Variants in SLC71A1 observed in about 807,000 individuals in gnomAD.
The protein encoded by SLC71A1 is hippocampus abundant gene transcript 1.
the SLC71A1 span, among the ~76,000 whole-genome samples, chr1:100,041,921 CAA>C: frequency 0.11 from 13,641 of 118,810 alleles, 1,079 homozygotes; most frequent in African/African-American, 0.24. Context: ...GAAACTGTCT[CAA>C]AAAAAAAAAA....
At chr1:100,080,928 CTT>C in the SLC71A1 span, among the ~76,000 whole-genome samples, 68 of 152,316 alleles carry the variant, frequency 4.5e-4, 2 homozygotes, top group East Asian at 5.8e-3. Flanking sequence ...CTACTAGTCT[CTT>C]TTGAAACTTT....
At chr1:100,078,448 T>C in the SLC71A1 span, 11 of 1,603,968 alleles carry the variant, frequency 6.9e-6, no homozygotes, top group Admixed American at 1.7e-5. Context: ...GCTCTCCTTA[T>C]AGGATGATGT....
At chr1:100,059,909 T>C in the SLC71A1 span, 1 of 1,613,100 alleles carries the variant, frequency 6.2e-7, no homozygotes, top group Non-Finnish European at 8.5e-7. Context: ...GCCCCGCTTA[T>C]TGGTGCTCTT....
the SLC71A1 span, among the ~76,000 whole-genome samples, chr1:100,057,389 C>G: frequency 7.4e-6 from 1 of 134,868 alleles, no homozygotes; most frequent in Non-Finnish European, 1.5e-5. Context: ...GGCTATTACT[C>G]TGTTGCTGAG....
chr1:100,055,126 A>T, the SLC71A1 span, among the ~76,000 whole-genome samples: 1 of 152,266 alleles, frequency 6.6e-6, no homozygotes, highest in Non-Finnish European at 1.5e-5. Context: ...AAAACTTCTT[A>T]TAGACATTCA....
the SLC71A1 span, chr1:100,059,971 T>C: frequency 6.2e-7 from 1 of 1,613,142 alleles, no homozygotes; most frequent in Non-Finnish European, 8.5e-7. Context: ...GTTTTTCACA[T>C]GTGCCCCAAT....
At chr1:100,057,784 T>C in the SLC71A1 span, among the ~76,000 whole-genome samples, 2 of 152,222 alleles carry the variant, frequency 1.3e-5, no homozygotes, top group African/African-American at 4.8e-5. Flanking sequence ...TGTCAGAAAG[T>C]ATATTTAGCA....
At chr1:100,081,863 A>G in the SLC71A1 span, 1 of 666,244 alleles carries the variant, frequency 1.5e-6, no homozygotes, top group Non-Finnish European at 2.6e-6. Flanking sequence ...CTAAAAAGGG[A>G]ATGCCTTTTA....
the SLC71A1 span, among the ~76,000 whole-genome samples, chr1:100,055,287 C>T: frequency 6.6e-6 from 1 of 151,134 alleles, no homozygotes; most frequent in African/African-American, 2.4e-5. Flanking sequence ...GAGTTTAAAT[C>T]TTATCCTTTA....
the SLC71A1 span, chr1:100,059,830 C>A: frequency 6.8e-7 from 1 of 1,474,410 alleles, no homozygotes. Flanking sequence ...ATTTTTGGTT[C>A]ATGCTCATAG....
chr1:100,081,719 A>T, the SLC71A1 span, among the ~76,000 whole-genome samples: 1 of 152,158 alleles, frequency 6.6e-6, no homozygotes, highest in Non-Finnish European at 1.5e-5. Context: ...TTCCCCTTGG[A>T]CTAACAAATT....
the SLC71A1 span, among the ~76,000 whole-genome samples, chr1:100,065,987 T>TA: frequency 1.3e-5 from 2 of 152,124 alleles, no homozygotes; most frequent in Non-Finnish European, 2.9e-5. Context: ...GTGCTATTTT[T>TA]ATGAAGTGTT....
At chr1:100,047,714 G>A in the SLC71A1 span, among the ~76,000 whole-genome samples, 13 of 152,136 alleles carry the variant, frequency 8.5e-5, no homozygotes, top group Admixed American at 3.3e-4. Context: ...GAGCCACTGC[G>A]CCCGGCCGAT....
the SLC71A1 span, among the ~76,000 whole-genome samples, chr1:100,063,501 T>TA: frequency 1.4e-4 from 21 of 148,084 alleles, no homozygotes; most frequent in African/African-American, 3.0e-4. Flanking sequence ...CCCTGTCTCT[T>TA]AAAAAAAAAA....
At chr1:100,067,891 C>A in the SLC71A1 span, 1 of 1,046,802 alleles carries the variant, frequency 9.6e-7, no homozygotes, top group South Asian at 1.3e-5. Flanking sequence ...GAAGGCCTGA[C>A]ATAAATCAAG....
At chr1:100,049,950 C>A in the SLC71A1 span, 2 of 1,610,206 alleles carry the variant, frequency 1.2e-6, no homozygotes, top group East Asian at 4.5e-5. Flanking sequence ...ATGCAGTTAT[C>A]GTCATCTTTT....
At chr1:100,055,707 A>G in the SLC71A1 span, among the ~76,000 whole-genome samples, 1 of 152,032 alleles carries the variant, frequency 6.6e-6, no homozygotes, top group Non-Finnish European at 1.5e-5. Context: ...TCAAGCATTT[A>G]TCCTTTCTTT....
At chr1:100,061,513 T>C in the SLC71A1 span, among the ~76,000 whole-genome samples, 1 of 152,202 alleles carries the variant, frequency 6.6e-6, no homozygotes, top group African/African-American at 2.4e-5. Flanking sequence ...TGGATTATAA[T>C]AGACTTTAGT....
the SLC71A1 span, among the ~76,000 whole-genome samples, chr1:100,059,468 C>T: frequency 6.6e-6 from 1 of 151,428 alleles, no homozygotes; most frequent in African/African-American, 2.4e-5. Context: ...ATTCTTTACT[C>T]TTGATTCAGT....
Sources: allele counts gnomAD v4.1 joint callset (sites outside exome capture counted in the v4.1 genomes callset), GRCh38; gene constraint gnomAD v4.1.1; transcripts MANE v1.5; gene names NCBI Gene and HGNC (gene_info 2026-07-23, HGNC 2026-07-21).